Variants in LSM14A observed in about 807,000 individuals in gnomAD.
LSM14A encodes protein LSM14 homolog A.
Under a neutral mutation model 52.4 loss-of-function variants are expected in LSM14A, and 14 were observed. That is an observed-to-expected ratio of 0.27 (90% confidence interval 0.18 to 0.42). The LOEUF is 0.42. Ranked by LOEUF, LSM14A falls within the 10% of genes least tolerant of loss-of-function variation. The pLI is 1.00. For missense variants in LSM14A, 417 were observed against 581.8 expected, an observed-to-expected ratio of 0.72 and a Z score of 2.91; for synonymous variants, 185 against 200.3, an observed-to-expected ratio of 0.92 and a Z score of 0.64.
intron 9 of LSM14A, chr19:34,226,425 A>T: frequency 6.9e-7 from 1 of 1,445,754 alleles, no homozygotes; most frequent in South Asian, 1.3e-5. Context: ...CAGCTTTTGG[A>T]CCCTAAAAGG....
chr19:34,212,194 C>T (rs544883227), intron 4 of LSM14A, among the ~76,000 whole-genome samples: 43 of 151,690 alleles, frequency 2.8e-4, no homozygotes, highest in African/African-American at 9.9e-4. Context: ...ATTAGTTGGG[C>T]GTGATGTGTG....
chr19:34,211,611 A>T (rs1385928123), intron 4 of LSM14A, among the ~76,000 whole-genome samples: 1 of 152,082 alleles, frequency 6.6e-6, no homozygotes, highest in African/African-American at 2.4e-5. Flanking sequence ...ACGTAGTGAA[A>T]CTTCATCTCT....
chr19:34,178,467 T>C (rs532871305), intron 1 of LSM14A, among the ~76,000 whole-genome samples: 1 of 152,202 alleles, frequency 6.6e-6, no homozygotes, highest in Non-Finnish European at 1.5e-5. Flanking sequence ...TGTTGCAGTT[T>C]GTTTCTGCAG....
chr19:34,211,338 T>A (rs2072135397), intron 4 of LSM14A, among the ~76,000 whole-genome samples: 1 of 151,870 alleles, frequency 6.6e-6, no homozygotes, highest in South Asian at 2.1e-4. Context: ...CCTAATCCAT[T>A]GATTATGTAA....
chr19:34,207,023 GAA>G (rs2071749940), intron 3 of LSM14A, among the ~76,000 whole-genome samples: 1 of 152,190 alleles, frequency 6.6e-6, no homozygotes, highest in Non-Finnish European at 1.5e-5. Context: ...TCAATGGAGA[GAA>G]AAGACATTGT....
chr19:34,216,274 G>A (rs984341708), intron 6 of LSM14A, among the ~76,000 whole-genome samples: 11 of 151,612 alleles, frequency 7.3e-5, no homozygotes, highest in Non-Finnish European at 1.0e-4. Flanking sequence ...TTAGCCGGGC[G>A]CAGTGGCGGG....
At chr19:34,185,031 A>G (rs772275383) in intron 1 of LSM14A, among the ~76,000 whole-genome samples, 1 of 152,180 alleles carries the variant, frequency 6.6e-6, no homozygotes, top group Admixed American at 6.5e-5. Flanking sequence ...AGGAGCCAGT[A>G]TTGTTTTGTT....
In LSM14A at chr19:34,219,511, C is replaced by G; in HGVS notation, c.902C>G (p.Ala301Gly). 1 of 1,613,750 alleles carries G rather than the reference C, an allele frequency of 6.2e-7. No individual in the cohort carries two copies. The highest frequency in any genetic ancestry group is 8.5e-7 in the Non-Finnish European group (1 of 1,179,742). Reference protein sequence around the residue: ...KFEKDFDFESANAQFNKEEID... With the variant: ...KFEKDFDFESGNAQFNKEEID... ...GAGAAAGACTTTGACTTTGAAAGTGCAAATGCACAATTCAACAAGGAAGAG... is the reference window on the plus strand; with the variant it reads ...GAGAAAGACTTTGACTTTGAAAGTGGAAATGCACAATTCAACAAGGAAGAG... Residue 301 changes from alanine (A) to glycine (G), a missense_variant, in exon 7 of 10, where the codon GCA becomes GGA. By Grantham distance (60) the Ala-to-Gly change is moderately conservative. Transcript: ENST00000544216.
intron 8 of LSM14A, among the ~76,000 whole-genome samples, chr19:34,221,193 C>T (rs185207697): frequency 2.0e-5 from 3 of 151,786 alleles, no homozygotes; most frequent in African/African-American, 7.3e-5. Flanking sequence ...GGTGATTCTC[C>T]TGCCTCAACC....
intron 3 of LSM14A, among the ~76,000 whole-genome samples, chr19:34,207,949 G>A (rs549831965): frequency 2.0e-4 from 31 of 152,304 alleles, no homozygotes; most frequent in African/African-American, 6.7e-4. Context: ...AGGGACTGGA[G>A]TTGACTAACC....
At chr19:34,187,280 A>ATTTT (rs755185854) in intron 1 of LSM14A, among the ~76,000 whole-genome samples, 1 of 145,756 alleles carries the variant, frequency 6.9e-6, no homozygotes, top group African/African-American at 2.5e-5. Context: ...GCTTTGGGAA[A>ATTTT]TTTTTTTTTT....
At position 34,215,561 on chromosome 19, in the gene LSM14A, A is replaced by G. The variant is rs776746810; in HGVS notation, c.716-35A>G. 5 of 1,537,458 alleles carry G rather than the reference A, an allele frequency of 3.3e-6. No homozygotes were observed. The Admixed American group carries it at 6.8e-5, about 21-fold the overall frequency. ...TGGAAGTTTTTGATGATGTACCCTG[A>G]GTTGATTTGGCACTTTGCATGTCTT... On this transcript the variant is annotated intron_variant, in intron 5 of 9. Transcript: ENST00000544216.
At chr19:34,206,035 AT>A (rs2071674121) in intron 3 of LSM14A, among the ~76,000 whole-genome samples, 2 of 152,180 alleles carry the variant, frequency 1.3e-5, no homozygotes, top group South Asian at 4.1e-4. Flanking sequence ...AAGTGGGCAA[AT>A]TTCTTGAAAA....
In LSM14A at chr19:34,196,651, G is replaced by T; in HGVS notation, c.303G>T (p.Ser101=). Reference sequence around the variant, plus strand: ...TCCTTCAGTCCTCACTAGGCTCATCGACTTCTTCATTCCAGTCCATGGGTT... The same window carrying T: ...TCCTTCAGTCCTCACTAGGCTCATCTACTTCTTCATTCCAGTCCATGGGTT... ...PAIVQSSLGS[S]TSSFQSMGSY... The change falls in exon 3 of 10, where the codon TCG becomes TCT. Residue 101 remains serine, a synonymous_variant. Coordinates refer to ENST00000544216, the MANE Select transcript of LSM14A (RefSeq NM_015578.4). 6.2e-7 allele frequency: 1 copy of T among 1,610,852 alleles called. No homozygotes were observed. Among genetic ancestry groups the T allele is most frequent in the Admixed American group, 1.7e-5 (1 of 59,374 alleles).
chr19:34,187,280 A>ATT (rs755185854), intron 1 of LSM14A, among the ~76,000 whole-genome samples: 83 of 145,804 alleles, frequency 5.7e-4, no homozygotes, highest in African/African-American at 1.9e-3. Context: ...GCTTTGGGAA[A>ATT]TTTTTTTTTT....
intron 1 of LSM14A, among the ~76,000 whole-genome samples, chr19:34,186,961 C>T (rs1016040201): frequency 1.4e-4 from 21 of 151,708 alleles, no homozygotes; most frequent in Admixed American, 5.3e-4. Flanking sequence ...AAGTTCAGGC[C>T]GGGTGTGGTG....
chr19:34,211,237 G>T (rs1244776780), intron 4 of LSM14A, among the ~76,000 whole-genome samples: 1 of 151,854 alleles, frequency 6.6e-6, no homozygotes, highest in Non-Finnish European at 1.5e-5. Flanking sequence ...GGCAGAGGTT[G>T]CAGTGAGCCG....
intron 1 of LSM14A, among the ~76,000 whole-genome samples, chr19:34,192,543 C>T (rs3119814): frequency 0.5 from 71,431 of 143,612 alleles, 18,127 homozygotes; most frequent in Middle Eastern, 0.58. Flanking sequence ...TTGTTGAGGC[C>T]GGTGTCAAAC....
chr19:34,201,369 G>A (rs527775637), intron 3 of LSM14A, among the ~76,000 whole-genome samples: 6 of 152,282 alleles, frequency 3.9e-5, no homozygotes, highest in East Asian at 3.9e-4. Context: ...TTGAGATGGC[G>A]TCTTGCTCTG....
Sources: allele counts gnomAD v4.1 joint callset (sites outside exome capture counted in the v4.1 genomes callset), GRCh38; gene constraint gnomAD v4.1.1; transcripts MANE v1.5; gene names NCBI Gene and HGNC (gene_info 2026-07-23, HGNC 2026-07-21).